Variants in DMTF1 observed in about 807,000 individuals in gnomAD.
DMTF1 encodes the protein cyclin D binding myb like transcription factor 1, also known as cyclin-D-binding Myb-like transcription factor 1.
A neutral mutation model predicts 91.1 loss-of-function variants in DMTF1; 39 were observed. That is an observed-to-expected ratio of 0.43 (90% confidence interval 0.33 to 0.56). DMTF1 has a LOEUF of 0.56. Ranked by LOEUF, DMTF1 falls within the 20% of genes least tolerant of loss-of-function variation. The pLI is 0.05. For missense variants in DMTF1, 750 were observed against 914.5 expected (o/e 0.82, Z 2.32); for synonymous variants, 338 against 309.5 (o/e 1.09, Z -0.97).
chr7:87,158,149 T>C (rs951569247), intron 1 of DMTF1, among the ~76,000 whole-genome samples: 3 of 152,058 alleles, frequency 2.0e-5, no homozygotes, highest in African/African-American at 7.2e-5. Context: ...TTTTATAAAT[T>C]AAAACGCACA....
chr7:87,190,146 A>G (rs914501455), intron 13 of DMTF1, among the ~76,000 whole-genome samples: 5 of 152,084 alleles, frequency 3.3e-5, no homozygotes, highest in Non-Finnish European at 4.4e-5. Flanking sequence ...AGACGTTGAT[A>G]AAGTCTGATC....
chr7:87,169,298 C>A (rs113171102), intron 4 of DMTF1, among the ~76,000 whole-genome samples: 5,601 of 151,796 alleles, frequency 0.037, 125 homozygotes, highest in East Asian at 0.065. Context: ...GTCTTTACAA[C>A]GAATACAAAA....
At chr7:87,176,924 A>C (rs1185389579) in intron 7 of DMTF1, among the ~76,000 whole-genome samples, 1 of 152,112 alleles carries the variant, frequency 6.6e-6, no homozygotes, top group Non-Finnish European at 1.5e-5. Flanking sequence ...AGCAAGAAAA[A>C]GGGCAAGGAG....
At chr7:87,156,775 T>C (rs1790847779) in intron 1 of DMTF1, among the ~76,000 whole-genome samples, 1 of 152,168 alleles carries the variant, frequency 6.6e-6, no homozygotes, top group Non-Finnish European at 1.5e-5. Context: ...AAAATTTATC[T>C]TCCAAATTCC....
chr7:87,165,297 T>A (rs541382921), intron 3 of DMTF1, among the ~76,000 whole-genome samples: 2 of 152,342 alleles, frequency 1.3e-5, no homozygotes, highest in Non-Finnish European at 2.9e-5. Flanking sequence ...TTTTTTATAC[T>A]AATTGGTACC....
In DMTF1 at chr7:87,163,572, A is replaced by G. The variant is rs543792575; in HGVS notation, c.-54A>G. 7.9e-5 allele frequency: 12 copies of G among 152,310 alleles called. No homozygotes were observed. The highest frequency in any genetic ancestry group is 1.3e-4 in the Admixed American group (2 of 15,298). 9.4% of individuals were successfully genotyped at this position (152,310 alleles called of 1,614,324 possible). ...TGATGCTGGTTGCTAAGGGAAGGCA[A>G]CTTGATTCTGTGGGAAGGGCTGTAG... is the stretch of plus-strand genomic sequence containing the variant. On this transcript the variant is annotated 5_prime_UTR_variant, in exon 2 of 18. Transcript: ENST00000331242.
chr7:87,166,067 C>T (rs151158989), intron 3 of DMTF1, among the ~76,000 whole-genome samples: 2 of 152,220 alleles, frequency 1.3e-5, no homozygotes, highest in African/African-American at 4.8e-5. Context: ...TTAATTTGGC[C>T]CATAGGCCCC....
At chr7:87,161,761 G>A (rs1792479133) in intron 1 of DMTF1, among the ~76,000 whole-genome samples, 1 of 152,148 alleles carries the variant, frequency 6.6e-6, no homozygotes, top group Admixed American at 6.5e-5. Context: ...TGTTAAACCT[G>A]TGACCATTTT....
chr7:87,170,497 T>C (rs1487224695), intron 4 of DMTF1, among the ~76,000 whole-genome samples: 1 of 152,206 alleles, frequency 6.6e-6, no homozygotes, highest in Non-Finnish European at 1.5e-5. Flanking sequence ...TCGTGAACAC[T>C]CCAAGCATGC....
At chr7:87,182,037 G>GTTTTTT in intron 9 of DMTF1, 191 bp from the exon 10 acceptor site, 1 of 1,497,904 alleles carries the variant, frequency 6.7e-7, no homozygotes, top group African/African-American at 1.4e-5. Flanking sequence ...ATTGCTGCCT[G>GTTTTTT]TTTTTTTTTC....
intron 6 of DMTF1, among the ~76,000 whole-genome samples, chr7:87,173,894 T>C (rs916380920): frequency 2.0e-5 from 3 of 152,230 alleles, no homozygotes; most frequent in Non-Finnish European, 4.4e-5. Flanking sequence ...TTGTTAATTT[T>C]TGAACAAATG....
chr7:87,179,643 T>A lies in DMTF1; in HGVS notation c.618T>A (p.Pro206=), dbSNP rs765181504. ...CTATAGCATGGGGTCTGAACCGGCC[T>A]TTGTTTGCAGTTTATAGAAGAGTGC... The part of the protein sequence containing the change: ...YRTIAWGLNR[P]LFAVYRRVLR... Residue 206 remains proline (P), a synonymous_variant, in exon 8 of 18, where the codon CCT becomes CCA. Transcript: ENST00000331242. The A allele has an allele frequency of 6.3e-7, 1 of 1,581,374 alleles. No individual in the cohort carries two copies. The highest frequency in any genetic ancestry group is 8.6e-7 in the Non-Finnish European group (1 of 1,168,508).
chr7:87,181,940 G>C, intron 9 of DMTF1: 2 of 1,182,070 alleles, frequency 1.7e-6, no homozygotes, highest in Non-Finnish European at 2.3e-6. Flanking sequence ...TTGCCTGGGA[G>C]ATTGTGTCAG....
chr7:87,177,105 T>G (rs1048373656), intron 7 of DMTF1, among the ~76,000 whole-genome samples: 1 of 152,180 alleles, frequency 6.6e-6, no homozygotes, highest in East Asian at 1.9e-4. Flanking sequence ...CTGTGAAGTT[T>G]CATACATTCA....
rs1342588493 is a variant in DMTF1, at chr7:87,193,304, C to G, written c.1601C>G (p.Thr534Arg). The change falls in exon 15 of 18, where the codon ACA becomes AGA. Residue 534 changes from threonine to arginine, a missense_variant. By Grantham distance (71) the Thr-to-Arg change is moderately conservative. Around this residue, in one of 3 missense-constraint regions of DMTF1, gnomAD observed 410 missense variants for 420.2 expected, o/e 0.98. Transcript: ENST00000331242. ...TLTASPTVTL[T>R]AAAPASPEQI... is the part of the protein sequence containing the mutation. ...ACTGCTAGTCCCACAGTAACCCTGA[C>G]AGCTGCTGCTCCTGCTTCTCCTGAA... The G allele has an allele frequency of 1.2e-6, 2 of 1,613,472 alleles. No individual in the cohort carries two copies. The highest frequency in any genetic ancestry group is 2.2e-5 in the East Asian group (1 of 44,864).
chr7:87,174,533 G>A, intron 6 of DMTF1, 60 bp from the exon 7 acceptor site: 1 of 1,087,200 alleles, frequency 9.2e-7, no homozygotes, highest in Non-Finnish European at 1.4e-6. Flanking sequence ...GGAAATCTTT[G>A]GTGTTTTATT....
intron 15 of DMTF1, 178 bp from the exon 16 acceptor site, chr7:87,193,547 A>G (rs1800412117): frequency 3.7e-6 from 3 of 803,930 alleles, no homozygotes; most frequent in Non-Finnish European, 5.8e-6. Flanking sequence ...ATGGCTATAC[A>G]TTAGAATAGG....
chr7:87,153,736 A>T (rs1584128816), intron 1 of DMTF1, among the ~76,000 whole-genome samples: 1 of 152,234 alleles, frequency 6.6e-6, no homozygotes, highest in Non-Finnish European at 1.5e-5. Flanking sequence ...ATTTTTTAAT[A>T]TGACATGTCT....
At chr7:87,173,670 TTAGTGCC>T in intron 6 of DMTF1, 21 bp downstream of exon 6, 1 of 1,516,372 alleles carries the variant, frequency 6.6e-7, no homozygotes, top group Non-Finnish European at 9.1e-7. Context: ...ACTGTGAATT[TTAGTGCC>T]TAGTGAAAAA....
Sources: gnomAD v4.1 joint callset for allele counts (sites outside exome capture counted in the v4.1 genomes callset) on GRCh38, gnomAD v4.1.1 for gene constraint, gnomAD v4.1.1 regional missense constraint, MANE v1.5 for transcripts, NCBI Gene and HGNC (gene_info 2026-07-23, HGNC 2026-07-21) for gene names.